NAV3: variants seen among roughly 807,000 people sequenced by gnomAD.
The protein encoded by NAV3 is neuron navigator 3, also known as pore membrane and/or filament interacting like protein 1.
A neutral mutation model predicts 244.7 loss-of-function variants in NAV3; 87 were observed. The observed-to-expected ratio is 0.36, with a 90% CI of 0.30 to 0.42. The LOEUF (loss-of-function observed/expected upper bound fraction) is 0.42, where lower values mean the gene tolerates loss of function less well. Ranked by LOEUF, NAV3 falls within the 20% of genes least tolerant of loss-of-function variation. The probability of loss-of-function intolerance (pLI) is 1.00; values close to 1 mark genes in which losing one functional copy is unlikely to be tolerated. For missense variants in NAV3, 2,663 were observed against 2,893.3 expected (o/e 0.92, Z 1.83); for synonymous variants, 1,126 against 1,042.2 (o/e 1.08, Z -1.55).
intron 1 of NAV3, among the ~76,000 whole-genome samples, chr12:77,901,411 G>T (rs549632693): frequency 3.3e-5 from 5 of 152,150 alleles, no homozygotes; most frequent in Admixed American, 2.0e-4. Context: ...TACGGTGAAA[G>T]GTAGGCACAG....
intron 1 of NAV3, among the ~76,000 whole-genome samples, chr12:77,845,845 G>GT (rs1876546118): frequency 6.6e-6 from 1 of 151,992 alleles, no homozygotes; most frequent in Admixed American, 6.6e-5. Context: ...TAGAGACGGG[G>GT]TGTCTCCATG....
intron 1 of NAV3, among the ~76,000 whole-genome samples, chr12:77,884,994 A>G (rs1312864086): frequency 1.3e-5 from 2 of 152,162 alleles, no homozygotes; most frequent in East Asian, 3.9e-4. Flanking sequence ...TCAATGATGG[A>G]TGGAGCATTT....
Position 78,177,219 on chromosome 12 carries a change from C to A in NAV3, c.5203C>A (p.Leu1735Ile), listed in dbSNP as rs775875414. The change falls in exon 27 of 40, where the codon CTT becomes ATT. Residue 1735 changes from leucine to isoleucine, a missense_variant. This residue lies in a region of NAV3 where 193 missense variants were observed against 200.7 expected (regional missense o/e 0.96). Transcript: ENST00000397909. ...TTCATCACATTCTGACATTGAAGAGCTTACTGATTCATCCCTTCCGGCATC... is the reference window on the plus strand; with the variant it reads ...TTCATCACATTCTGACATTGAAGAGATTACTGATTCATCCCTTCCGGCATC... ...PPSSHSDIEE[L>I]TDSSLPASPK... The A allele has an allele frequency of 3.1e-6, 5 of 1,613,394 alleles. No homozygotes were observed. Among genetic ancestry groups the A allele is most frequent in the African/African-American group, 1.3e-5 (1 of 74,876 alleles).
intron 8 of NAV3, among the ~76,000 whole-genome samples, chr12:78,019,109 C>T (rs1876725374): frequency 6.6e-6 from 1 of 152,062 alleles, no homozygotes; most frequent in Admixed American, 6.6e-5. Context: ...CAGTTGATTT[C>T]ACAATTATTT....
In NAV3 at chr12:77,942,266, G is replaced by A. The variant is rs571509745; in HGVS notation, c.414+1133G>A. 1.2e-3 allele frequency among the ~76,000 whole-genome samples: 176 copies of A among 152,206 alleles called. 1 individual carries two copies. Among genetic ancestry groups the A allele is most frequent in the African/African-American group, 3.9e-3 (164 of 41,544 alleles). ...GCATGCCTATAATCCCAGCTACTCG[G>A]GAGGCTGAGGCAGGAGAATCGCTTG... On this transcript the variant is annotated intron_variant, in intron 3 of 39. Coordinates refer to ENST00000397909, the MANE Select transcript of NAV3 (RefSeq NM_001024383.2).
In NAV3 at chr12:77,683,319, A is replaced by G. The variant is rs149242298; in HGVS notation, c.72+111053A>G. On this transcript the variant is annotated intron_variant, in intron 2 of 8. Coordinates refer to the NAV3 transcript ENST00000550042. ...GGCATCTTTCAAAAATTAATTGATC[A>G]TAAATGTATAGTTTTATCTCTGGAT... Among the ~76,000 whole-genome samples the G allele has an allele frequency of 3.2e-4, 48 of 152,070 alleles. 1 individual carries two copies. Among genetic ancestry groups the G allele is most frequent in the African/African-American group, 1.0e-3 (43 of 41,524 alleles).
intron 11 of NAV3, among the ~76,000 whole-genome samples, chr12:78,057,433 A>AGT (rs964548415): frequency 1.3e-5 from 2 of 152,216 alleles, no homozygotes; most frequent in Non-Finnish European, 2.9e-5. Context: ...TATGCATAAC[A>AGT]GTGTGCAAAA....
intron 2 of NAV3, among the ~76,000 whole-genome samples, chr12:77,711,705 C>T (rs548084539): frequency 2.2e-4 from 34 of 152,266 alleles, no homozygotes; most frequent in Non-Finnish European, 3.5e-4. Context: ...GGTGGGCACC[C>T]ACAGACTGGA....
At chr12:77,639,529 T>C (rs1872303285) in intron 2 of NAV3, among the ~76,000 whole-genome samples, 1 of 152,212 alleles carries the variant, frequency 6.6e-6, no homozygotes, top group South Asian at 2.1e-4. Context: ...TTCATTAAAA[T>C]TGACGCCACT....
intron 10 of NAV3, 89 bp from the exon 11 acceptor site, chr12:78,050,675 C>G (rs997217252): frequency 1.4e-6 from 2 of 1,387,098 alleles, no homozygotes; most frequent in African/African-American, 2.9e-5. Context: ...AGAGATGACC[C>G]TCAACTCCAG....
intron 5 of NAV3, among the ~76,000 whole-genome samples, chr12:77,991,042 T>C (rs1871350940): frequency 6.6e-6 from 1 of 152,190 alleles, no homozygotes. Context: ...TTTTTATTTT[T>C]TCTGAGAGAG....
intron 2 of NAV3, among the ~76,000 whole-genome samples, chr12:77,600,281 A>G (rs1049854211): frequency 1.3e-5 from 2 of 151,912 alleles, no homozygotes; most frequent in African/African-American, 2.4e-5. Context: ...GCTCCTTTCT[A>G]TATAGAACCA....
chr12:77,743,449 A>G (rs1657548277), intron 2 of NAV3, among the ~76,000 whole-genome samples: 1 of 151,848 alleles, frequency 6.6e-6, no homozygotes, highest in Non-Finnish European at 1.5e-5. Flanking sequence ...ACTCCTTGGT[A>G]TTCACCCAAG....
intron 2 of NAV3, among the ~76,000 whole-genome samples, chr12:77,812,243 A>T (rs1485719917): frequency 6.6e-6 from 1 of 152,004 alleles, no homozygotes; most frequent in Non-Finnish European, 1.5e-5. Context: ...AGCATTTAGA[A>T]AACCCCCTCT....
chr12:78,163,420 T>C (rs1276745170), intron 23 of NAV3, among the ~76,000 whole-genome samples: 1 of 152,042 alleles, frequency 6.6e-6, no homozygotes, highest in Non-Finnish European at 1.5e-5. Context: ...ATTATCATGC[T>C]ATTAGACTCA....
intron 9 of NAV3, among the ~76,000 whole-genome samples, chr12:78,025,621 A>G (rs1187543362): frequency 1.4e-5 from 2 of 146,454 alleles, no homozygotes; most frequent in East Asian, 2.1e-4. Flanking sequence ...AAAAAAAAAA[A>G]AAGAAATTTG....
chr12:77,691,643 T>C (rs1279414980), intron 2 of NAV3, among the ~76,000 whole-genome samples: 1 of 151,682 alleles, frequency 6.6e-6, no homozygotes, highest in East Asian at 1.9e-4. Flanking sequence ...ACAAATGTTT[T>C]TTCTTCGTTG....
rs566809014 is a variant in NAV3, at chr12:77,838,577, C to T, written c.243+6873C>T. Among the ~76,000 whole-genome samples the T allele has an allele frequency of 3.3e-5, 5 of 151,954 alleles. No homozygotes were observed. In the South Asian group the frequency reaches 8.3e-4, roughly 25 times the overall value. ...TTCTCAGTTTCTTTTTTTCTTGTGT[C>T]GTAGACATCTTTCTTTCCTTTAATA... On this transcript the variant is annotated intron_variant, in intron 1 of 39. Coordinates refer to ENST00000397909, the MANE Select transcript of NAV3 (RefSeq NM_001024383.2).
chr12:77,899,087 A>C (rs1005544364), intron 1 of NAV3, among the ~76,000 whole-genome samples: 2 of 152,224 alleles, frequency 1.3e-5, no homozygotes, highest in Non-Finnish European at 2.9e-5. Flanking sequence ...TAACACTTGA[A>C]CAGATGAGGA....
Sources: gnomAD v4.1 joint callset for allele counts (sites outside exome capture counted in the v4.1 genomes callset) on GRCh38, gnomAD v4.1.1 for gene constraint, gnomAD v4.1.1 regional missense constraint, MANE v1.5 for transcripts, NCBI Gene and HGNC (gene_info 2026-07-23, HGNC 2026-07-21) for gene names.